AKAP9: variants seen among roughly 807,000 people sequenced by gnomAD.
The protein encoded by AKAP9 is A-kinase anchor protein 9.
AKAP9 carries 311 observed loss-of-function variants against 488.5 expected under a neutral mutation model. The observed-to-expected ratio is 0.64, with a 90% CI of 0.58 to 0.70. The LOEUF (loss-of-function observed/expected upper bound fraction) is 0.70, where lower values mean the gene tolerates loss of function less well. Ranked by LOEUF, AKAP9 falls within the 30% of genes least tolerant of loss-of-function variation. AKAP9 has a pLI of 0.00. For missense variants in AKAP9, 4,215 were observed against 4,374.5 expected (o/e 0.96, Z 1.03); for synonymous variants, 1,462 against 1,483.5 (o/e 0.99, Z 0.33).
At chr7:91,957,212 C>T (rs757385022) in intron 1 of AKAP9, among the ~76,000 whole-genome samples, 31 of 151,950 alleles carry the variant, frequency 2.0e-4, no homozygotes, top group Non-Finnish European at 3.2e-4. Context: ...TTAACAATTT[C>T]CTATTGAAAC....
intron 16 of AKAP9, among the ~76,000 whole-genome samples, chr7:92,037,683 A>T (rs1450707833): frequency 1.3e-5 from 2 of 152,198 alleles, no homozygotes; most frequent in Non-Finnish European, 2.9e-5. Context: ...GTCAAATTGG[A>T]TTATAATGAA....
chr7:91,965,401 T>C (rs1037310456), intron 1 of AKAP9, among the ~76,000 whole-genome samples: 2 of 152,250 alleles, frequency 1.3e-5, no homozygotes, highest in African/African-American at 4.8e-5. Context: ...TTCCATTGTG[T>C]ACATACCACA....
At chr7:92,080,615 G>A (rs1813378022) in intron 31 of AKAP9, among the ~76,000 whole-genome samples, 1 of 151,192 alleles carries the variant, frequency 6.6e-6, no homozygotes, top group Non-Finnish European at 1.5e-5. Context: ...AAAAAAAGAA[G>A]AAGAAAAACT....
At chr7:92,019,406 C>T (rs1421047484) in intron 12 of AKAP9, among the ~76,000 whole-genome samples, 1 of 151,824 alleles carries the variant, frequency 6.6e-6, no homozygotes, top group Non-Finnish European at 1.5e-5. Context: ...TCCCTAAGTG[C>T]TGGGATTACA....
chr7:92,043,057 CTT>C, intron 20 of AKAP9: 1 of 243,026 alleles, frequency 4.1e-6, no homozygotes, highest in South Asian at 6.4e-5. Context: ...CTTTTCCTTA[CTT>C]TGATTTTGTA....
chr7:92,062,137 A>G (rs910621824), intron 23 of AKAP9, 137 bp from the exon 24 acceptor site: 3 of 744,242 alleles, frequency 4.0e-6, no homozygotes, highest in African/African-American at 3.6e-5. Flanking sequence ...ATGAGCAGCA[A>G]ATTCATTCAA....
At position 92,002,147 on chromosome 7, in the gene AKAP9, G is replaced by A. The variant is rs202091548; in HGVS notation, c.2230G>A (p.Glu744Lys). 273 of 1,590,216 alleles carry A rather than the reference G, an allele frequency of 1.7e-4. No homozygotes were observed. The highest frequency in any genetic ancestry group is 2.2e-4 in the Non-Finnish European group (263 of 1,171,856). The change falls in exon 8 of 50, where the codon GAA becomes AAA. Residue 744 changes from glutamate to lysine, a missense_variant. This residue lies in a region of AKAP9 where 2,361 missense variants were observed against 2,430.0 expected (regional missense o/e 0.97). Transcript: ENST00000356239. ...AAAAGAAAAGGGTACACTTGAACAA[G>A]AAGTTCAAGAATTACAACTTAAAAC... ...EEKEKGTLEQ[E>K]VQELQLKTEL...
chr7:92,001,834 A>G lies in AKAP9; in HGVS notation c.1917A>G (p.Lys639=). The change falls in exon 8 of 50, where the codon AAA becomes AAG. Residue 639 remains lysine (K), a synonymous_variant. Transcript: ENST00000356239. ...LLFSHEEELS[K]LKEDLEIEHR... ...TTAGTCACGAAGAAGAGCTTTCCAA[A>G]CTGAAGGAAGATTTAGAAATTGAAC... 1.2e-6 allele frequency: 2 copies of G among 1,613,472 alleles called. No homozygotes were observed.
At chr7:92,059,651 C>T (rs542551368) in intron 22 of AKAP9, among the ~76,000 whole-genome samples, 2 of 151,582 alleles carry the variant, frequency 1.3e-5, no homozygotes, top group South Asian at 4.2e-4. Context: ...AAAAGCATAT[C>T]CTTTTTAGTT....
intron 7 of AKAP9, among the ~76,000 whole-genome samples, chr7:92,000,105 C>T (rs1251320473): frequency 6.6e-6 from 1 of 152,216 alleles, no homozygotes; most frequent in African/African-American, 2.4e-5. Context: ...ACAGATATGC[C>T]TTGGCCTGTG....
At position 92,102,608 on chromosome 7, in the gene AKAP9, A is replaced by G. The variant is rs749059291; in HGVS notation, c.11112A>G (p.Lys3704=). 2.5e-6 allele frequency: 4 copies of G among 1,614,070 alleles called. No individual in the cohort carries two copies. The highest frequency in any genetic ancestry group is 3.4e-6 in the Non-Finnish European group (4 of 1,179,950). ...EHVTLKRIYG[K]YLRAESFRKA... The stretch of plus-strand genomic sequence containing the variant: ...CCTAAATATAGAGAATTTATGGTAA[A>G]TACTTGAGGGCAGAAAGTTTTCGAA... Residue 3704 remains lysine (K), a synonymous_variant, in exon 46 of 50, where the codon AAA becomes AAG. Coordinates refer to ENST00000356239, the MANE Select transcript of AKAP9 (RefSeq NM_005751.5).
chr7:92,004,501 C>T (rs10268641), intron 8 of AKAP9, among the ~76,000 whole-genome samples: 4 of 151,972 alleles, frequency 2.6e-5, no homozygotes, highest in Admixed American at 6.6e-5. Context: ...GTTGAGCAGT[C>T]GTTTGTAGTT....
intron 1 of AKAP9, among the ~76,000 whole-genome samples, chr7:91,971,126 A>G (rs1795021821): frequency 6.6e-6 from 1 of 152,164 alleles, no homozygotes; most frequent in African/African-American, 2.4e-5. Context: ...CTTAGATTTG[A>G]TATTTCGAGG....
chr7:92,065,331 A>G lies in AKAP9; in HGVS notation c.6078A>G (p.Leu2026=), dbSNP rs1584394264. The change falls in exon 25 of 50, where the codon CTA becomes CTG. Residue 2026 remains leucine (L), a synonymous_variant. Transcript: ENST00000356239. ...RDDLQKQVKA[L]EIDVEEQVSR... is the part of the protein sequence containing the mutation. ...ACCTTCAAAAACAAGTGAAAGCTCT[A>G]GAAATAGATGTGGAAGAACAAGTCA... 1.9e-6 allele frequency: 3 copies of G among 1,613,244 alleles called. No individual in the cohort carries two copies. The highest frequency in any genetic ancestry group is 2.5e-6 in the Non-Finnish European group (3 of 1,179,492).
intron 21 of AKAP9, among the ~76,000 whole-genome samples, chr7:92,052,083 C>T (rs1390476806): frequency 6.6e-6 from 1 of 152,138 alleles, no homozygotes; most frequent in African/African-American, 2.4e-5. Context: ...CAGTATTCCT[C>T]TTAAAACAGT....
chr7:91,994,903 T>C (rs1478461174), intron 6 of AKAP9, 127 bp downstream of exon 6: 2 of 780,632 alleles, frequency 2.6e-6, no homozygotes, highest in African/African-American at 3.5e-5. Flanking sequence ...GAAAAATTAG[T>C]GAATATGTGT....
chr7:91,951,194 G>A (rs1206384597), intron 1 of AKAP9, among the ~76,000 whole-genome samples: 1 of 152,040 alleles, frequency 6.6e-6, no homozygotes, highest in East Asian at 1.9e-4. Context: ...AATTTTAATT[G>A]TATGGCAGGA....
chr7:92,099,932 T>C (rs1441798033), intron 44 of AKAP9, 63 bp downstream of exon 44: 1 of 1,529,388 alleles, frequency 6.5e-7, no homozygotes, highest in Non-Finnish European at 9.0e-7. Context: ...TTCTGCTGTC[T>C]AGTTCAAGTT....
chr7:91,996,053 G>GT (rs889639139), intron 7 of AKAP9: 63 of 405,392 alleles, frequency 1.6e-4, no homozygotes, highest in Non-Finnish European at 1.8e-4. Flanking sequence ...TATAGCTATA[G>GT]TTTTTTTTGT....
Sources: allele counts gnomAD v4.1 joint callset (sites outside exome capture counted in the v4.1 genomes callset), GRCh38; gene constraint gnomAD v4.1.1; regional missense constraint gnomAD v4.1.1; transcripts MANE v1.5; gene names NCBI Gene and HGNC (gene_info 2026-07-23, HGNC 2026-07-21).